The following RBKS variants were observed in gnomAD, a reference collection of about 807,000 sequenced individuals.
The protein encoded by RBKS is ribokinase.
In RBKS, 33 loss-of-function variants were observed where a neutral mutation model predicts 33.9. The ratio of observed to expected loss-of-function variants is 0.97; its 90% confidence interval spans 0.74 to 1.30. RBKS has a LOEUF of 1.30. Among genes scored for constraint, RBKS ranks in the 50% most tolerant of loss-of-function variants. RBKS has a pLI of 0.00. For synonymous variants in RBKS, 125 were observed against 143.0 expected, an observed-to-expected ratio of 0.87 and a Z score of 0.90; for missense variants, 361 against 392.6, an observed-to-expected ratio of 0.92 and a Z score of 0.68.
intron 7 of RBKS, chr2:27,809,895 C>T: frequency 7.7e-7 from 1 of 1,291,836 alleles, no homozygotes; most frequent in Non-Finnish European, 1.0e-6. Context: ...AGTCATTGCA[C>T]AATGTTGTAT....
chr2:27,842,929 A>G (rs762602548), intron 5 of RBKS, 138 bp downstream of exon 5: 49 of 609,962 alleles, frequency 8.0e-5, no homozygotes, highest in Non-Finnish European at 5.6e-5. Context: ...CAAGAACCAC[A>G]AGACTGTGAA....
At chr2:27,801,382 AAGGGGTC>A (rs1353212836) in intron 7 of RBKS, among the ~76,000 whole-genome samples, 1 of 150,652 alleles carries the variant, frequency 6.6e-6, no homozygotes, top group Non-Finnish European at 1.5e-5. Context: ...ATCTCCCCGA[AAGGGGTC>A]AAAATCCATT....
chr2:27,872,242 G>A (rs914224013), intron 1 of RBKS, among the ~76,000 whole-genome samples: 4 of 152,090 alleles, frequency 2.6e-5, no homozygotes, highest in African/African-American at 4.8e-5. Context: ...CTAAAGAGCC[G>A]TTTATTGTAA....
intron 7 of RBKS, among the ~76,000 whole-genome samples, chr2:27,827,175 C>A (rs1008235711): frequency 6.6e-6 from 1 of 152,184 alleles, no homozygotes; most frequent in Non-Finnish European, 1.5e-5. Flanking sequence ...AGAATCTAAG[C>A]CCGACAAGGG....
At chr2:27,875,440 C>T (rs1664293548) in intron 1 of RBKS, among the ~76,000 whole-genome samples, 1 of 152,138 alleles carries the variant, frequency 6.6e-6, no homozygotes, top group Non-Finnish European at 1.5e-5. Flanking sequence ...GTAGTCCCAG[C>T]TACTCAGAAG....
intron 1 of RBKS, among the ~76,000 whole-genome samples, chr2:27,877,574 C>T (rs534982129): frequency 1.3e-4 from 20 of 152,108 alleles, no homozygotes; most frequent in Middle Eastern, 6.8e-3. Flanking sequence ...TATAACCGCC[C>T]CTGCCCCCCC....
intron 6 of RBKS, among the ~76,000 whole-genome samples, chr2:27,830,759 T>A (rs1678402150): frequency 6.6e-6 from 1 of 152,200 alleles, no homozygotes; most frequent in Admixed American, 6.5e-5. Flanking sequence ...ATCCTGGTTT[T>A]ACACTGTGCC....
At chr2:27,853,651 C>A (rs905168666) in intron 2 of RBKS, among the ~76,000 whole-genome samples, 1 of 152,044 alleles carries the variant, frequency 6.6e-6, no homozygotes, top group Non-Finnish European at 1.5e-5. Context: ...GAGTGAGATC[C>A]TGTCTCAGAA....
chr2:27,812,370 A>G (rs934962492), intron 7 of RBKS, among the ~76,000 whole-genome samples: 21 of 152,368 alleles, frequency 1.4e-4, no homozygotes, highest in Admixed American at 1.1e-3. Flanking sequence ...TACATACCCA[A>G]AGGATTATAA....
chr2:27,809,407 A>T (rs1677950595), intron 7 of RBKS, among the ~76,000 whole-genome samples: 1 of 152,238 alleles, frequency 6.6e-6, no homozygotes, highest in South Asian at 2.1e-4. Flanking sequence ...AATTTAAAGA[A>T]TTCCATGTTA....
chr2:27,849,647 C>A (rs1663698983), intron 2 of RBKS, among the ~76,000 whole-genome samples: 3 of 149,002 alleles, frequency 2.0e-5, no homozygotes, highest in Admixed American at 1.3e-4. Flanking sequence ...CCTAGTGTAA[C>A]CCTGAACCAC....
chr2:27,792,922 T>C (rs950947649), intron 7 of RBKS, among the ~76,000 whole-genome samples: 3 of 152,172 alleles, frequency 2.0e-5, no homozygotes, highest in African/African-American at 7.2e-5. Context: ...AACCCAACAA[T>C]TCCTATAAAA....
intron 6 of RBKS, 37 bp downstream of exon 6, chr2:27,832,649 G>A: frequency 7.4e-7 from 1 of 1,351,118 alleles, no homozygotes; most frequent in Non-Finnish European, 1.1e-6. Context: ...ACAAACTTTT[G>A]GTTTCTCATA....
chr2:27,885,475 ACT>A (rs1431724353), intron 1 of RBKS, among the ~76,000 whole-genome samples: 3 of 151,670 alleles, frequency 2.0e-5, no homozygotes, highest in Admixed American at 2.0e-4. Flanking sequence ...CTGTCTCCTG[ACT>A]CTTTTTTTCT....
Position 27,810,868 on chromosome 2 carries a change from C to G in RBKS, c.795+16699G>C, listed in dbSNP as rs1021546608. ...TGTAAACTCCAATTTATTCTTCACA[C>G]AGCAGCCATATTAATCTTTTTATAA... On this transcript the variant is annotated intron_variant, in intron 7 of 7. Coordinates refer to ENST00000302188, the MANE Select transcript of RBKS (RefSeq NM_022128.3). The surrounding 1 kb of genome is among the most constrained non-coding windows in gnomAD (Gnocchi z 4.4). Among the ~76,000 whole-genome samples the G allele has an allele frequency of 1.3e-5, 2 of 152,302 alleles. No homozygotes were observed. The highest frequency in any genetic ancestry group is 1.9e-4 in the East Asian group (1 of 5,188).
rs13383787 is a variant in RBKS at position 27,825,638 on chromosome 2, A to G, written c.795+1929T>C. Reference sequence around the variant, plus strand: ...GAGACACAGCGTGGGTAGGGAGTGGACCCACCTGAGCTCATAGCCCACTAT... The same window carrying G: ...GAGACACAGCGTGGGTAGGGAGTGGGCCCACCTGAGCTCATAGCCCACTAT... On this transcript the variant is annotated intron_variant, in intron 7 of 7. Coordinates refer to ENST00000302188, the MANE Select transcript of RBKS (RefSeq NM_022128.3). Among the ~76,000 whole-genome samples the G allele has an allele frequency of 3.5e-3, 537 of 152,276 alleles. 4 individuals carry two copies. The highest frequency in any genetic ancestry group is 0.012 in the African/African-American group (519 of 41,560).
intron 7 of RBKS, chr2:27,809,829 A>G: frequency 3.9e-6 from 3 of 774,784 alleles, no homozygotes; most frequent in South Asian, 1.7e-5. Flanking sequence ...GCATTTCATA[A>G]TATTAGCACC....
At chr2:27,883,664 G>T (rs537370950) in intron 1 of RBKS, among the ~76,000 whole-genome samples, 31 of 152,158 alleles carry the variant, frequency 2.0e-4, no homozygotes, top group Non-Finnish European at 3.4e-4. Context: ...CAAAGGAATG[G>T]ATTGCTAAAG....
At chr2:27,888,800 G>A (rs573364814) in intron 1 of RBKS, among the ~76,000 whole-genome samples, 1 of 151,878 alleles carries the variant, frequency 6.6e-6, no homozygotes, top group African/African-American at 2.4e-5. Context: ...AAAAAAAAAT[G>A]TGACCTTGAC....
Sources: gnomAD v4.1 joint callset for allele counts (sites outside exome capture counted in the v4.1 genomes callset) on GRCh38, gnomAD v4.1.1 for gene constraint, Gnocchi (gnomAD v3.1) non-coding constraint, MANE v1.5 for transcripts, NCBI Gene and HGNC (gene_info 2026-07-23, HGNC 2026-07-21) for gene names.